Variants in MAN1A2 observed in about 807,000 individuals in gnomAD.
MAN1A2 encodes the protein mannosidase alpha class 1A member 2, also known as mannosyl-oligosaccharide 1,2-alpha-mannosidase IB.
MAN1A2 carries 26 observed loss-of-function variants against 75.7 expected under a neutral mutation model. The ratio of observed to expected loss-of-function variants is 0.34; its 90% CI spans 0.25 to 0.48. The LOEUF is 0.48. Among genes scored for constraint, MAN1A2 ranks in the 20% least tolerant of loss-of-function variants. The pLI is 0.99. For synonymous variants in MAN1A2, 247 were observed against 264.6 expected, an observed-to-expected ratio of 0.93 and a Z score of 0.65; for missense variants, 562 against 775.5, an observed-to-expected ratio of 0.72 and a Z score of 3.27.
intron 6 of MAN1A2, among the ~76,000 whole-genome samples, chr1:117,455,514 AAAAT>A (rs548801579): frequency 1.0e-3 from 157 of 152,304 alleles, no homozygotes; most frequent in African/African-American, 3.8e-3. Context: ...CTTAAAAAGA[AAAAT>A]AAACCAGATC....
chr1:117,464,818 AC>A (rs1380122815), intron 7 of MAN1A2, among the ~76,000 whole-genome samples: 1 of 152,168 alleles, frequency 6.6e-6, no homozygotes, highest in Non-Finnish European at 1.5e-5. Context: ...TCTAAAAAAA[AC>A]ATTTATGTCT....
chr1:117,376,508 G>A (rs1217283934), intron 1 of MAN1A2, among the ~76,000 whole-genome samples: 1 of 152,252 alleles, frequency 6.6e-6, no homozygotes, highest in Non-Finnish European at 1.5e-5. Flanking sequence ...GTAAAGCCAT[G>A]TTGAAACTAT....
At chr1:117,450,220 T>G (rs1322981504) in intron 6 of MAN1A2, among the ~76,000 whole-genome samples, 2 of 152,130 alleles carry the variant, frequency 1.3e-5, no homozygotes, top group Non-Finnish European at 2.9e-5. Context: ...GAAGCAAAGG[T>G]GACTCTTGTT....
chr1:117,497,075 T>C, intron 10 of MAN1A2, 93 bp downstream of exon 10: 1 of 952,614 alleles, frequency 1.0e-6, no homozygotes, highest in Non-Finnish European at 1.6e-6. Flanking sequence ...ATAGGCACTT[T>C]TTACTTCCAA....
At chr1:117,452,485 G>C (rs1443627148) in intron 6 of MAN1A2, among the ~76,000 whole-genome samples, 1 of 152,188 alleles carries the variant, frequency 6.6e-6, no homozygotes, top group Non-Finnish European at 1.5e-5. Flanking sequence ...GTGAACACAT[G>C]AATGATGAGA....
chr1:117,440,595 T>A (rs1463091629), intron 5 of MAN1A2, among the ~76,000 whole-genome samples: 1 of 152,114 alleles, frequency 6.6e-6, no homozygotes, highest in Non-Finnish European at 1.5e-5. Context: ...GGTGTTGTTT[T>A]CTTTTAGACC....
intron 8 of MAN1A2, among the ~76,000 whole-genome samples, chr1:117,488,012 T>C (rs1254169823): frequency 6.6e-6 from 1 of 152,092 alleles, no homozygotes; most frequent in Non-Finnish European, 1.5e-5. Context: ...ATTCAAAATT[T>C]AATTGTGAAT....
At chr1:117,381,545 A>G (rs997070441) in intron 1 of MAN1A2, among the ~76,000 whole-genome samples, 3 of 152,182 alleles carry the variant, frequency 2.0e-5, no homozygotes, top group African/African-American at 4.8e-5. Context: ...ATAGTATTCC[A>G]TGGTGTATAT....
intron 12 of MAN1A2, among the ~76,000 whole-genome samples, chr1:117,509,345 AC>A (rs1236998033): frequency 6.6e-6 from 1 of 152,042 alleles, no homozygotes; most frequent in Non-Finnish European, 1.5e-5. Context: ...ATTTACTTTC[AC>A]ACTGCTTAAG....
At chr1:117,451,885 A>G (rs544648631) in intron 6 of MAN1A2, among the ~76,000 whole-genome samples, 5 of 150,914 alleles carry the variant, frequency 3.3e-5, no homozygotes, top group South Asian at 4.2e-4. Context: ...CTACTTGGGA[A>G]GCTAAGGTAG....
At chr1:117,384,357 T>C (rs1017901752) in intron 1 of MAN1A2, among the ~76,000 whole-genome samples, 9 of 152,232 alleles carry the variant, frequency 5.9e-5, no homozygotes, top group African/African-American at 1.9e-4. Flanking sequence ...TGTGATTTCT[T>C]TGACATGTTG....
intron 4 of MAN1A2, among the ~76,000 whole-genome samples, chr1:117,418,169 A>G (rs753283356): frequency 2.0e-5 from 3 of 152,186 alleles, no homozygotes; most frequent in Non-Finnish European, 2.9e-5. Flanking sequence ...TAGATAAATA[A>G]ATGCACACAT....
intron 5 of MAN1A2, among the ~76,000 whole-genome samples, chr1:117,431,108 A>C (rs1215778181): frequency 4.4e-5 from 6 of 135,254 alleles, no homozygotes; most frequent in Non-Finnish European, 9.6e-5. Context: ...CTGAGGCAGG[A>C]GAATCAGGCA....
At chr1:117,495,656 A>G (rs1320280070) in intron 9 of MAN1A2, among the ~76,000 whole-genome samples, 1 of 151,844 alleles carries the variant, frequency 6.6e-6, no homozygotes, top group Non-Finnish European at 1.5e-5. Flanking sequence ...GTAATATGGT[A>G]AGATTTAGGT....
intron 11 of MAN1A2, among the ~76,000 whole-genome samples, chr1:117,500,136 G>A (rs1297483390): frequency 6.6e-6 from 1 of 151,812 alleles, no homozygotes; most frequent in East Asian, 1.9e-4. Context: ...TTTATGTAAA[G>A]CGAACGTTTC....
intron 5 of MAN1A2, among the ~76,000 whole-genome samples, chr1:117,428,126 T>TGGG (rs1166844163): frequency 6.7e-6 from 1 of 149,798 alleles, no homozygotes; most frequent in Non-Finnish European, 1.5e-5. Flanking sequence ...TTTTTTTTTT[T>TGGG]GGGGGGGGAC....
In MAN1A2 at chr1:117,453,648, A is replaced by G. The variant is rs183501080; in HGVS notation, c.951-6841A>G. Reference sequence around the variant, plus strand: ...AAAGTGGTTTCTTGAGATGGAATCTATTCCTGGTGAAGATGCTATGAACAT... The same window carrying G: ...AAAGTGGTTTCTTGAGATGGAATCTGTTCCTGGTGAAGATGCTATGAACAT... On this transcript the variant is annotated intron_variant, in intron 6 of 12. Coordinates refer to ENST00000356554, the MANE Select transcript of MAN1A2 (RefSeq NM_006699.5). Among the ~76,000 whole-genome samples, 1,189 of 152,346 alleles carry G rather than the reference A, an allele frequency of 7.8e-3. 5 individuals carry two copies. Among genetic ancestry groups the G allele is most frequent in the Middle Eastern group, 0.014 (4 of 294 alleles).
At chr1:117,465,956 G>T (rs12126528) in intron 7 of MAN1A2, among the ~76,000 whole-genome samples, 17,149 of 152,078 alleles carry the variant, frequency 0.11, 1,057 homozygotes, top group Non-Finnish European at 0.14. Context: ...TTCAATTCCT[G>T]TGAAGTTATT....
chr1:117,466,549 T>G, intron 8 of MAN1A2, 122 bp downstream of exon 8: 1 of 570,730 alleles, frequency 1.8e-6, no homozygotes, highest in Non-Finnish European at 3.1e-6. Context: ...CCTTGTGGTC[T>G]GCTGGTGCTG....
Sources: gnomAD v4.1 joint callset for allele counts (sites outside exome capture counted in the v4.1 genomes callset) on GRCh38, gnomAD v4.1.1 for gene constraint, MANE v1.5 for transcripts, NCBI Gene and HGNC (gene_info 2026-07-23, HGNC 2026-07-21) for gene names.